GHR: variants seen among roughly 807,000 people sequenced by gnomAD.
The protein encoded by GHR is GH receptor.
Under a neutral mutation model 67.1 loss-of-function variants are expected in GHR, and 35 were observed. The ratio of observed to expected loss-of-function variants is 0.52; its 90% CI spans 0.40 to 0.69. The LOEUF is 0.69. GHR is among the 30% of genes least tolerant of loss of function. GHR has a pLI of 0.00. For synonymous variants in GHR, 272 were observed against 269.1 expected, an observed-to-expected ratio of 1.01 and a Z score of -0.10; for missense variants, 792 against 764.6, an observed-to-expected ratio of 1.04 and a Z score of -0.42.
chr5:42,537,715 T>C (rs1463343465), intron 1 of GHR, among the ~76,000 whole-genome samples: 2 of 152,118 alleles, frequency 1.3e-5, no homozygotes, highest in Non-Finnish European at 2.9e-5. Flanking sequence ...TTCTTTGTTG[T>C]CTTTTTGTCT....
chr5:42,711,176 G>C, intron 6 of GHR, 31 bp from the exon 7 acceptor site: 2 of 1,572,118 alleles, frequency 1.3e-6, no homozygotes, highest in Non-Finnish European at 1.8e-6. Context: ...TGACTCTTTG[G>C]CCAATATGCG....
chr5:42,712,323 C>T (rs999906712), intron 7 of GHR, among the ~76,000 whole-genome samples: 1 of 152,016 alleles, frequency 6.6e-6, no homozygotes. Context: ...GCAATTCTGG[C>T]CTTAAAAGTA....
chr5:42,453,918 C>T (rs1266113426), intron 1 of GHR, among the ~76,000 whole-genome samples: 1 of 152,186 alleles, frequency 6.6e-6, no homozygotes, highest in Non-Finnish European at 1.5e-5. Flanking sequence ...TGGGTCTCTG[C>T]TGTGAGAAAC....
Position 42,517,605 on chromosome 5 carries a change from AG to A in GHR, c.-11-48258del, listed in dbSNP as rs147359131. ...TGTTTTTTTCTGCTCCAATTAAAGA[AG>A]AAAATTGTAATGTGAAAGAAGCAAG... On this transcript the variant is annotated intron_variant, in intron 1 of 9. Coordinates refer to ENST00000230882, the MANE Select transcript of GHR (RefSeq NM_000163.5). 6.2e-3 allele frequency among the ~76,000 whole-genome samples: 947 copies of A among 152,330 alleles called. 8 individuals carry two copies. The highest frequency in any genetic ancestry group is 0.027 in the Middle Eastern group (8 of 294).
intron 1 of GHR, chr5:42,565,481 A>G: frequency 1.0e-6 from 1 of 985,202 alleles, no homozygotes; most frequent in Non-Finnish European, 1.2e-6. Flanking sequence ...TCAAGGCCCC[A>G]TGCTTTCTGA....
chr5:42,662,509 G>C lies in GHR; in HGVS notation c.137-26381G>C, dbSNP rs187757116. On this transcript the variant is annotated intron_variant, in intron 3 of 9. Coordinates refer to ENST00000230882, the MANE Select transcript of GHR (RefSeq NM_000163.5). ...ACAACCTGGTCCTGAATGACTACTG[G>C]GTACATAACAAAATGAAGGCAGAAA... Among the ~76,000 whole-genome samples, 529 of 152,060 alleles carry C rather than the reference G, an allele frequency of 3.5e-3. 5 individuals are homozygous for C. Among genetic ancestry groups the C allele is most frequent in the Middle Eastern group, 0.017 (5 of 294 alleles).
At position 42,629,529 on chromosome 5, in the gene GHR, G is replaced by T. The variant is rs540578073; in HGVS notation, c.136+426G>T. On this transcript the variant is annotated intron_variant, in intron 3 of 9. Coordinates refer to ENST00000230882, the MANE Select transcript of GHR (RefSeq NM_000163.5). ...CTGCTCCGCTTCACCATGATTATAGGCTTCCTGAGGCTTTCACCAGAAGCA... is the reference window on the plus strand; with the variant it reads ...CTGCTCCGCTTCACCATGATTATAGTCTTCCTGAGGCTTTCACCAGAAGCA... Among the ~76,000 whole-genome samples, 6 of 131,888 alleles carry T rather than the reference G, an allele frequency of 4.5e-5. 2 individuals carry two copies. The South Asian group carries it at 1.4e-3, about 31-fold the overall frequency. 86.5% of individuals were successfully genotyped at this position (131,888 alleles called of 152,430 possible).
intron 3 of GHR, among the ~76,000 whole-genome samples, chr5:42,685,528 CA>C (rs1757095612): frequency 6.6e-6 from 1 of 152,166 alleles, no homozygotes; most frequent in African/African-American, 2.4e-5. Context: ...CACTGTCTTC[CA>C]CAATGGTTGA....
At chr5:42,658,416 A>G (rs1561203186) in intron 3 of GHR, among the ~76,000 whole-genome samples, 1 of 152,230 alleles carries the variant, frequency 6.6e-6, no homozygotes, top group Non-Finnish European at 1.5e-5. Flanking sequence ...TAATATATAC[A>G]GCATACTCCA....
intron 2 of GHR, among the ~76,000 whole-genome samples, chr5:42,585,753 A>C (rs1751442299): frequency 1.3e-5 from 2 of 151,430 alleles, no homozygotes; most frequent in African/African-American, 4.8e-5. Context: ...GTACAAAGGT[A>C]ATGCTTATAA....
At chr5:42,494,213 T>C (rs991850591) in intron 1 of GHR, among the ~76,000 whole-genome samples, 10 of 152,144 alleles carry the variant, frequency 6.6e-5, no homozygotes, top group Non-Finnish European at 1.2e-4. Flanking sequence ...TAGGCTTTCT[T>C]TCTAGTGTAA....
chr5:42,571,902 A>G (rs911998419), intron 2 of GHR, among the ~76,000 whole-genome samples: 1 of 152,180 alleles, frequency 6.6e-6, no homozygotes, highest in South Asian at 2.1e-4. Flanking sequence ...GTACCTGTTC[A>G]TAGACACACC....
intron 2 of GHR, among the ~76,000 whole-genome samples, chr5:42,599,277 A>G (rs1040181305): frequency 6.6e-6 from 1 of 151,962 alleles, no homozygotes; most frequent in African/African-American, 2.4e-5. Flanking sequence ...TGTGGACCAG[A>G]GAGATCTTAT....
At chr5:42,490,088 T>C (rs1746049319) in intron 1 of GHR, among the ~76,000 whole-genome samples, 1 of 152,212 alleles carries the variant, frequency 6.6e-6, no homozygotes, top group African/African-American at 2.4e-5. Flanking sequence ...AAACATGAAA[T>C]GAACTTCTTA....
chr5:42,688,643 T>A (rs570859059), intron 3 of GHR, among the ~76,000 whole-genome samples: 1 of 152,264 alleles, frequency 6.6e-6, no homozygotes, highest in South Asian at 2.1e-4. Flanking sequence ...ACAGGTCCTA[T>A]GAAATGCTTG....
intron 2 of GHR, among the ~76,000 whole-genome samples, chr5:42,599,250 T>C (rs1452078098): frequency 2.6e-5 from 4 of 152,166 alleles, no homozygotes; most frequent in African/African-American, 7.2e-5. Context: ...CCTTCTGGAA[T>C]TGGCCTCCTA....
intron 3 of GHR, among the ~76,000 whole-genome samples, chr5:42,655,882 G>A (rs1185311248): frequency 6.6e-6 from 1 of 152,082 alleles, no homozygotes; most frequent in East Asian, 1.9e-4. Context: ...TTTGGTTAGA[G>A]TTGATGAAAG....
chr5:42,655,871 A>C (rs1755230790), intron 3 of GHR, among the ~76,000 whole-genome samples: 3 of 152,084 alleles, frequency 2.0e-5, no homozygotes, highest in African/African-American at 4.8e-5. Context: ...AGCTTATCAG[A>C]TTTGGTTAGA....
intron 1 of GHR, among the ~76,000 whole-genome samples, chr5:42,482,938 T>C (rs1051381697): frequency 3.3e-5 from 5 of 152,178 alleles, no homozygotes; most frequent in African/African-American, 1.2e-4. Flanking sequence ...GGTACCTCAA[T>C]TGGTAATGCA....
Sources: allele counts gnomAD v4.1 joint callset (sites outside exome capture counted in the v4.1 genomes callset), GRCh38; gene constraint gnomAD v4.1.1; transcripts MANE v1.5; gene names NCBI Gene and HGNC (gene_info 2026-07-23, HGNC 2026-07-21).